HMGB1: variants seen among roughly 807,000 people sequenced by gnomAD.
The protein encoded by HMGB1 is high mobility group protein B1.
For missense variants in HMGB1, 79 were observed against 253.5 expected (o/e 0.31, Z 4.67); for synonymous variants, 81 against 84.0 (o/e 0.96, Z 0.19).
chr13:30,594,944 C>A (rs1871537427), intron 1 of HMGB1, among the ~76,000 whole-genome samples: 1 of 152,132 alleles, frequency 6.6e-6, no homozygotes, highest in South Asian at 2.1e-4. Context: ...TTTGGCTTTG[C>A]ATCCAAATGA....
chr13:30,484,272 G>T (rs932325558), intron 1 of HMGB1, among the ~76,000 whole-genome samples: 2 of 152,142 alleles, frequency 1.3e-5, no homozygotes, highest in African/African-American at 4.8e-5. Flanking sequence ...GCAGGGCAGG[G>T]TGTGCTTTCT....
chr13:30,468,496 C>T (rs138945494), upstream of HMGB1, among the ~76,000 whole-genome samples: 12 of 152,204 alleles, frequency 7.9e-5, no homozygotes, highest in East Asian at 1.2e-3. Flanking sequence ...TCAGGTGATC[C>T]GCCCACCTTG....
chr13:30,469,629 G>A (rs142789820), upstream of HMGB1, among the ~76,000 whole-genome samples: 12 of 53,380 alleles, frequency 2.2e-4, 1 homozygote, highest in African/African-American at 5.1e-4. Flanking sequence ...CACCACGCCC[G>A]GCCTATTTAT....
chr13:30,534,616 CTTTT>C (rs1216929821), intron 1 of HMGB1, among the ~76,000 whole-genome samples: 3 of 124,700 alleles, frequency 2.4e-5, no homozygotes, highest in East Asian at 2.2e-4. Flanking sequence ...GTTCAAGCTG[CTTTT>C]TTTTTTTTTT....
chr13:30,538,498 C>CTTTCTTTCTTTCTTTCTTTA lies in HMGB1; in HGVS notation c.-14-74805_-14-74804insTAAAGAAAGAAAGAAAGAAA, dbSNP rs1566018767. 3.2e-3 allele frequency among the ~76,000 whole-genome samples: 51 copies of CTTTCTTTCTTTCTTTCTTTA among 15,840 alleles called. 3 individuals are homozygous for CTTTCTTTCTTTCTTTCTTTA. The highest frequency in any genetic ancestry group is 5.3e-3 in the African/African-American group (51 of 9,664). The allele number at this position is 15,840 out of a possible 152,430, so 10.4% of individuals were successfully genotyped here. On this transcript the variant is annotated intron_variant, in intron 1 of 4. Coordinates refer to the HMGB1 transcript ENST00000405805. ...TCTTTCTTTCTTTCTTTCTTTCTTT[C>CTTTCTTTCTTTCTTTCTTTA]TTTCTTTCTTTCCTTTCTTTCTTTC...
chr13:30,501,457 C>T (rs886851838), intron 1 of HMGB1, among the ~76,000 whole-genome samples: 1 of 152,006 alleles, frequency 6.6e-6, no homozygotes, highest in Non-Finnish European at 1.5e-5. Flanking sequence ...CAGTGCAAGG[C>T]CTCACTGCTT....
chr13:30,587,953 G>C lies in HMGB1; in HGVS notation c.-15+28718C>G, dbSNP rs144384974. Among the ~76,000 whole-genome samples the C allele has an allele frequency of 3.6e-3, 542 of 152,268 alleles. 2 individuals carry two copies. The highest frequency in any genetic ancestry group is 0.011 in the African/African-American group (460 of 41,538). On this transcript the variant is annotated intron_variant, in intron 1 of 4. Coordinates refer to the HMGB1 transcript ENST00000405805. Reference sequence around the variant, plus strand: ...AAAAAAGCAAGTGTGAGAATGGAAGGCTCTTCTTCAAACTATGCAAAATGA... The same window carrying C: ...AAAAAAGCAAGTGTGAGAATGGAAGCCTCTTCTTCAAACTATGCAAAATGA...
At chr13:30,606,244 G>C (rs1244920467) in intron 1 of HMGB1, among the ~76,000 whole-genome samples, 2 of 152,260 alleles carry the variant, frequency 1.3e-5, no homozygotes, top group East Asian at 3.9e-4. Flanking sequence ...TGGCACAATA[G>C]TCTAACATTT....
chr13:30,602,014 G>A (rs560700004), intron 1 of HMGB1, among the ~76,000 whole-genome samples: 1 of 152,166 alleles, frequency 6.6e-6, no homozygotes, highest in South Asian at 2.1e-4. Context: ...GAGCATACTC[G>A]GGGCAGGGGG....
At chr13:30,467,163 A>C (rs1431866988), upstream of HMGB1, among the ~76,000 whole-genome samples, 1 of 152,196 alleles carries the variant, frequency 6.6e-6, no homozygotes, top group African/African-American at 2.4e-5. Context: ...TGAAACTACT[A>C]TCTATTCCTT....
At chr13:30,472,037 G>C (rs1413067129) in intron 1 of HMGB1, among the ~76,000 whole-genome samples, 1 of 152,172 alleles carries the variant, frequency 6.6e-6, no homozygotes, top group East Asian at 2.0e-4. Flanking sequence ...CACTACTTTG[G>C]GAGGCAGAAG....
intron 1 of HMGB1, among the ~76,000 whole-genome samples, chr13:30,613,686 C>G (rs1950533761): frequency 6.6e-6 from 1 of 152,066 alleles, no homozygotes; most frequent in South Asian, 2.1e-4. Context: ...GAAAAAACAG[C>G]CATTCAGGTG....
In HMGB1 at chr13:30,457,248, C is replaced by G. The variant is rs900022047; in HGVS notation, c.*4109G>C. On this transcript the variant is annotated 3_prime_UTR_variant, in exon 5 of 5. Transcript: ENST00000341423. Reference sequence around the variant, plus strand: ...AAGTGATCCTCCCACCTCGGCCTCCCAAAGTGCTGGGATTATAAGTGTGAG... The same window carrying G: ...AAGTGATCCTCCCACCTCGGCCTCCGAAAGTGCTGGGATTATAAGTGTGAG... 2.0e-5 allele frequency: 3 copies of G among 152,250 alleles called. No individual in the cohort carries two copies. Among genetic ancestry groups the G allele is most frequent in the African/African-American group, 7.2e-5 (3 of 41,444 alleles). The allele number at this position is 152,250 out of a possible 1,614,324, so 9.4% of individuals were successfully genotyped here. A position where few individuals can be genotyped will look rare whatever the true frequency, so the allele number is the denominator to read the frequency against.
chr13:30,462,100 A>G (rs192948952), intron 4 of HMGB1, among the ~76,000 whole-genome samples: 2 of 152,342 alleles, frequency 1.3e-5, no homozygotes, highest in East Asian at 3.9e-4. Context: ...TGGACAGAGC[A>G]GCAGACTTGT....
At chr13:30,462,756 A>C in intron 3 of HMGB1, 44 bp from the exon 4 acceptor site, 1 of 1,491,428 alleles carries the variant, frequency 6.7e-7, no homozygotes, top group South Asian at 1.1e-5. Context: ...AACAGATCAC[A>C]AAAACAAATA....
Position 30,464,478 on chromosome 13 carries a change from C to T in HMGB1, c.-14-784G>A, listed in dbSNP as rs1886584433. On this transcript the variant is annotated intron_variant, in intron 1 of 4. Transcript: ENST00000341423. ...TGACTCCTGCGCGGGGCGAGCCCCC[C>T]GCCCCTAGAACTTCGCCGGTGGCCG... The T allele has an allele frequency of 7.1e-6, 7 of 984,990 alleles. No individual in the cohort carries two copies. In the South Asian group the frequency reaches 2.8e-4, roughly 40 times the overall value. The allele number at this position is 984,990 out of a possible 1,614,324, so 61.0% of individuals were successfully genotyped here. A position where few individuals can be genotyped will look rare whatever the true frequency, so the allele number is the denominator to read the frequency against.
intron 1 of HMGB1, among the ~76,000 whole-genome samples, chr13:30,529,056 A>G (rs958425617): frequency 6.8e-6 from 1 of 146,788 alleles, no homozygotes; most frequent in African/African-American, 2.5e-5. Flanking sequence ...AAAAAAAAAA[A>G]AGATTGAATT....
chr13:30,606,767 A>G (rs1246758348), intron 1 of HMGB1, among the ~76,000 whole-genome samples: 2 of 152,238 alleles, frequency 1.3e-5, no homozygotes, highest in African/African-American at 2.4e-5. Flanking sequence ...TAAAATGCAA[A>G]CTGACCTAAC....
intron 1 of HMGB1, among the ~76,000 whole-genome samples, chr13:30,498,626 A>AATTATT (rs71192659): frequency 0.042 from 6,030 of 143,914 alleles, 152 homozygotes; most frequent in African/African-American, 0.065. Context: ...GGAATCAGCA[A>AATTATT]ATTATTATTA....
Sources: allele counts gnomAD v4.1 joint callset (sites outside exome capture counted in the v4.1 genomes callset), GRCh38; gene constraint gnomAD v4.1.1; transcripts MANE v1.5; gene names NCBI Gene and HGNC (gene_info 2026-07-23, HGNC 2026-07-21).